Variants in IFTAP observed in about 807,000 individuals in gnomAD.
The protein encoded by IFTAP is intraflagellar transport-associated protein.
In IFTAP, 19 loss-of-function variants were observed where a neutral mutation model predicts 19.4. The observed-to-expected ratio is 0.98, with a 90% CI of 0.68 to 1.44. IFTAP has a LOEUF of 1.44. IFTAP is among the 40% of genes most tolerant of loss of function. IFTAP has a pLI of 0.00. For missense variants in IFTAP, 240 were observed against 253.6 expected (o/e 0.95, Z 0.36); for synonymous variants, 85 against 83.5 (o/e 1.02, Z -0.10).
At chr11:36,613,127 C>A (rs1049620630) in intron 2 of IFTAP, among the ~76,000 whole-genome samples, 2 of 151,932 alleles carry the variant, frequency 1.3e-5, no homozygotes, top group African/African-American at 4.8e-5. Flanking sequence ...AAATCAAATT[C>A]TAAGATATGT....
intron 5 of IFTAP, among the ~76,000 whole-genome samples, chr11:36,655,070 A>G (rs1853917822): frequency 6.6e-6 from 1 of 152,136 alleles, no homozygotes; most frequent in Admixed American, 6.6e-5. Context: ...ATAGATGACC[A>G]AATGTTTTCC....
intron 1 of IFTAP, among the ~76,000 whole-genome samples, chr11:36,605,220 T>C (rs1216575431): frequency 6.6e-6 from 1 of 152,068 alleles, no homozygotes. Flanking sequence ...ATTACCATTT[T>C]GAGTAAGTGG....
chr11:36,603,155 TTATACAATCTGCTGGTGAAC>T (rs968316775), intron 1 of IFTAP, among the ~76,000 whole-genome samples: 9 of 152,160 alleles, frequency 5.9e-5, no homozygotes, highest in Non-Finnish European at 1.0e-4. Flanking sequence ...AAAATGGGTA[TTATACAATCTGCTGGTGAAC>T]AGAAGGGCTT....
chr11:36,611,075 G>C (rs1851860179), intron 2 of IFTAP, among the ~76,000 whole-genome samples: 1 of 152,074 alleles, frequency 6.6e-6, no homozygotes, highest in South Asian at 2.1e-4. Flanking sequence ...GAGCTCAGGA[G>C]CCCTTGCCCA....
At chr11:36,657,752 T>C (rs538414611) in intron 5 of IFTAP, among the ~76,000 whole-genome samples, 1 of 152,314 alleles carries the variant, frequency 6.6e-6, no homozygotes, top group Non-Finnish European at 1.5e-5. Flanking sequence ...TGAATATCAC[T>C]GCTGATGCCA....
At chr11:36,626,271 G>A (rs1852508470) in intron 2 of IFTAP, among the ~76,000 whole-genome samples, 1 of 151,298 alleles carries the variant, frequency 6.6e-6, no homozygotes, top group Non-Finnish European at 1.5e-5. Flanking sequence ...CCTCACCCAC[G>A]TACTTAATCA....
chr11:36,616,942 TC>T (rs1852114184), intron 2 of IFTAP, among the ~76,000 whole-genome samples: 1 of 151,742 alleles, frequency 6.6e-6, no homozygotes, highest in African/African-American at 2.4e-5. Context: ...GGTAGGTGAA[TC>T]CGTTTCTTTA....
At chr11:36,618,016 T>C (rs1852155643) in intron 2 of IFTAP, among the ~76,000 whole-genome samples, 1 of 152,044 alleles carries the variant, frequency 6.6e-6, no homozygotes, top group Admixed American at 6.6e-5. Flanking sequence ...CGTTTAATCA[T>C]TATAATGACC....
At chr11:36,624,776 G>A (rs139568990) in intron 2 of IFTAP, among the ~76,000 whole-genome samples, 2 of 152,260 alleles carry the variant, frequency 1.3e-5, no homozygotes, top group South Asian at 2.1e-4. Flanking sequence ...TGTGGAGAAG[G>A]TTGGTGCTGT....
At chr11:36,600,034 C>T (rs1851447582) in intron 1 of IFTAP, among the ~76,000 whole-genome samples, 1 of 152,188 alleles carries the variant, frequency 6.6e-6, no homozygotes, top group Non-Finnish European at 1.5e-5. Context: ...GGTTAGTTGT[C>T]TCTTGACAAG....
At chr11:36,633,523 A>C in intron 3 of IFTAP, 85 bp downstream of exon 3, 2 of 1,078,402 alleles carry the variant, frequency 1.9e-6, no homozygotes, top group Non-Finnish European at 2.5e-6. Flanking sequence ...CCTACTAAAC[A>C]CTAGACAGTT....
intron 2 of IFTAP, among the ~76,000 whole-genome samples, chr11:36,618,793 C>T (rs1055013644): frequency 1.3e-5 from 2 of 151,986 alleles, no homozygotes; most frequent in African/African-American, 4.8e-5. Flanking sequence ...CCCATTAATA[C>T]ACATTGCTCG....
intron 5 of IFTAP, among the ~76,000 whole-genome samples, chr11:36,649,200 A>G (rs1178481359): frequency 4.1e-5 from 6 of 145,686 alleles, no homozygotes; most frequent in Non-Finnish European, 2.9e-5. Flanking sequence ...CCATTCAGTC[A>G]TAAATAATCC....
chr11:36,618,627 G>C (rs1231919050), intron 2 of IFTAP, among the ~76,000 whole-genome samples: 1 of 151,966 alleles, frequency 6.6e-6, no homozygotes, highest in Non-Finnish European at 1.5e-5. Context: ...TGGCAGACAG[G>C]AGGGCCTTAG....
At chr11:36,653,177 G>A (rs1004234000) in intron 5 of IFTAP, among the ~76,000 whole-genome samples, 2 of 152,100 alleles carry the variant, frequency 1.3e-5, no homozygotes, top group Non-Finnish European at 2.9e-5. Context: ...ATTGATGTAA[G>A]CATTAGTTCT....
At chr11:36,658,512 T>C (rs1772412394) in intron 5 of IFTAP, among the ~76,000 whole-genome samples, 1 of 152,194 alleles carries the variant, frequency 6.6e-6, no homozygotes, top group Non-Finnish European at 1.5e-5. Flanking sequence ...TTTACTGTTA[T>C]TAGCCAAGAG....
chr11:36,596,211 G>GTTTTTTTTTTTTTTTTTTT (rs1243664769), intron 1 of IFTAP, among the ~76,000 whole-genome samples: 8 of 101,156 alleles, frequency 7.9e-5, no homozygotes, highest in African/African-American at 2.5e-4. Context: ...AGATGGTAGT[G>GTTTTTTTTTTTTTTTTTTT]TTTTTTTTTT....
intron 1 of IFTAP, among the ~76,000 whole-genome samples, chr11:36,602,853 G>A (rs564523268): frequency 6.6e-6 from 1 of 151,844 alleles, no homozygotes; most frequent in Non-Finnish European, 1.5e-5. Flanking sequence ...AAGCAAAAAT[G>A]GTAGTGAAAA....
chr11:36,613,874 G>C (rs1230632634), intron 2 of IFTAP, among the ~76,000 whole-genome samples: 3 of 151,026 alleles, frequency 2.0e-5, no homozygotes, highest in Non-Finnish European at 1.5e-5. Context: ...CCTTGTTTTA[G>C]TAAAGTTTAG....
Sources: gnomAD v4.1 joint callset for allele counts (sites outside exome capture counted in the v4.1 genomes callset) on GRCh38, gnomAD v4.1.1 for gene constraint, MANE v1.5 for transcripts, NCBI Gene and HGNC (gene_info 2026-07-23, HGNC 2026-07-21) for gene names.